Variants in RHOBTB1 observed in about 807,000 individuals in gnomAD.
The protein encoded by RHOBTB1 is rho-related BTB domain-containing protein 1.
A neutral mutation model predicts 71.6 loss-of-function variants in RHOBTB1; 40 were observed. The observed-to-expected ratio is 0.56, with a 90% CI of 0.43 to 0.73. The LOEUF (loss-of-function observed/expected upper bound fraction) is 0.73, where lower values mean the gene tolerates loss of function less well. Ranked by LOEUF, RHOBTB1 falls within the 30% of genes least tolerant of loss-of-function variation. RHOBTB1 has a pLI of 0.00. For synonymous variants in RHOBTB1, 319 were observed against 334.9 expected (o/e 0.95, Z 0.52); for missense variants, 797 against 894.0 (o/e 0.89, Z 1.38).
chr10:60,950,511 T>C lies in RHOBTB1; in HGVS notation c.-61-8657A>G, dbSNP rs1401008541. 2.6e-5 allele frequency among the ~76,000 whole-genome samples: 4 copies of C among 152,050 alleles called. No individual in the cohort carries two copies. In the East Asian group the frequency reaches 7.7e-4, roughly 29 times the overall value. ...AACAAAGATTAAAGGGATCAGAGGGTAACAGAAAGAGAAAGAAAGCGGTAT... is the reference window on the plus strand; with the variant it reads ...AACAAAGATTAAAGGGATCAGAGGGCAACAGAAAGAGAAAGAAAGCGGTAT... On this transcript the variant is annotated intron_variant, in intron 2 of 11. Transcript: ENST00000357917.
chr10:60,884,925 CT>C (rs531216257), intron 7 of RHOBTB1, among the ~76,000 whole-genome samples: 42 of 146,460 alleles, frequency 2.9e-4, no homozygotes, highest in South Asian at 4.3e-4. Context: ...TTTTTTTGTC[CT>C]TTTTTTTTTA....
chr10:60,891,418 G>T (rs955061111), intron 5 of RHOBTB1, among the ~76,000 whole-genome samples: 2 of 136,744 alleles, frequency 1.5e-5, no homozygotes, highest in Non-Finnish European at 3.0e-5. Context: ...ATGGCCCACT[G>T]CAGCCTTGTC....
chr10:60,948,043 C>T (rs1009617515), upstream of RHOBTB1, among the ~76,000 whole-genome samples: 2 of 152,262 alleles, frequency 1.3e-5, no homozygotes, highest in Middle Eastern at 3.4e-3. Context: ...TGTAGTGTTA[C>T]TTTGCATTCC....
At chr10:60,989,840 T>C (rs568374876) in intron 1 of RHOBTB1, among the ~76,000 whole-genome samples, 2 of 152,250 alleles carry the variant, frequency 1.3e-5, no homozygotes, top group East Asian at 1.9e-4. Flanking sequence ...AAGCCAGCAC[T>C]GCTTCGTGAC....
chr10:60,882,825 G>A (rs1033959623), intron 7 of RHOBTB1, among the ~76,000 whole-genome samples: 1 of 152,132 alleles, frequency 6.6e-6, no homozygotes, highest in Non-Finnish European at 1.5e-5. Context: ...TTTTAACTTA[G>A]AGCTTTCCGG....
chr10:60,893,917 G>A (rs2082042005), intron 4 of RHOBTB1, among the ~76,000 whole-genome samples: 1 of 152,264 alleles, frequency 6.6e-6, no homozygotes, highest in East Asian at 1.9e-4. Context: ...GCTGAATGAT[G>A]ACTTTCAAAA....
chr10:60,977,880 A>T (rs867209786), intron 2 of RHOBTB1, among the ~76,000 whole-genome samples: 4 of 152,152 alleles, frequency 2.6e-5, no homozygotes, highest in African/African-American at 9.7e-5. Flanking sequence ...AACTCACACT[A>T]AAATAAATAT....
At chr10:60,865,959 G>A (rs2080634039), downstream of RHOBTB1, among the ~76,000 whole-genome samples, 1 of 152,154 alleles carries the variant, frequency 6.6e-6, no homozygotes, top group Non-Finnish European at 1.5e-5. Flanking sequence ...AGCCTCCTGA[G>A]TAGCTGGGAT....
chr10:60,867,522 C>T (rs183645871), downstream of RHOBTB1, among the ~76,000 whole-genome samples: 15 of 152,344 alleles, frequency 9.8e-5, no homozygotes, highest in East Asian at 1.2e-3. Flanking sequence ...AGTCGCTTCA[C>T]GTCTGCTACT....
chr10:60,905,002 A>G (rs981089027), intron 4 of RHOBTB1, among the ~76,000 whole-genome samples: 13 of 152,196 alleles, frequency 8.5e-5, no homozygotes, highest in African/African-American at 3.1e-4. Context: ...AAGCACATGC[A>G]TTGCTAACTT....
At chr10:60,972,273 A>G (rs1333716546) in intron 2 of RHOBTB1, among the ~76,000 whole-genome samples, 1 of 152,152 alleles carries the variant, frequency 6.6e-6, no homozygotes, top group Non-Finnish European at 1.5e-5. Flanking sequence ...AATAGCAAAG[A>G]CTTGGAACCA....
At chr10:60,927,445 A>G (rs2083950061) in intron 2 of RHOBTB1, among the ~76,000 whole-genome samples, 1 of 152,202 alleles carries the variant, frequency 6.6e-6, no homozygotes, top group Non-Finnish European at 1.5e-5. Flanking sequence ...GAGGCATCAC[A>G]TTATCTGACT....
intron 2 of RHOBTB1, among the ~76,000 whole-genome samples, chr10:60,916,661 G>A (rs888519303): frequency 2.0e-5 from 3 of 152,050 alleles, no homozygotes; most frequent in Non-Finnish European, 2.9e-5. Context: ...CTTTACAGTC[G>A]CCCTCAATTT....
chr10:60,935,597 T>C (rs554951153), intron 2 of RHOBTB1, among the ~76,000 whole-genome samples: 7 of 152,264 alleles, frequency 4.6e-5, no homozygotes, highest in Admixed American at 4.6e-4. Context: ...CCAGATGATC[T>C]ATATGATCTG....
chr10:60,959,441 C>T (rs372623942), intron 2 of RHOBTB1, among the ~76,000 whole-genome samples: 42 of 152,272 alleles, frequency 2.8e-4, no homozygotes, highest in Admixed American at 1.5e-3. Context: ...TTAAAAGCTA[C>T]GTGGACAAGA....
chr10:60,929,139 C>A (rs939073152), intron 2 of RHOBTB1, among the ~76,000 whole-genome samples: 1 of 152,124 alleles, frequency 6.6e-6, no homozygotes, highest in African/African-American at 2.4e-5. Flanking sequence ...CCACCAGGCC[C>A]CTCCTTCAAC....
chr10:60,978,472 A>G (rs747304959), intron 2 of RHOBTB1, among the ~76,000 whole-genome samples: 5 of 152,148 alleles, frequency 3.3e-5, no homozygotes, highest in Non-Finnish European at 7.4e-5. Flanking sequence ...TACATTATAG[A>G]CTGAGATAAA....
chr10:60,872,067 C>CT (rs1417367723), intron 10 of RHOBTB1, 118 bp downstream of exon 10: 2 of 786,394 alleles, frequency 2.5e-6, no homozygotes, highest in Non-Finnish European at 4.5e-6. Flanking sequence ...ACCAGCCAGT[C>CT]TCGAGGAATC....
rs562476558 is a variant in RHOBTB1 at position 60,933,160 on chromosome 10, T to C, written c.-11+8644A>G. The stretch of plus-strand genomic sequence containing the variant: ...AGATCTCTTACTTTATTTGAAGTTA[T>C]TGGCTAATAACAATGAATAGCTTCT... On this transcript the variant is annotated intron_variant, in intron 2 of 10. Coordinates refer to ENST00000337910, the MANE Select transcript of RHOBTB1 (RefSeq NM_014836.5). Among the ~76,000 whole-genome samples the C allele has an allele frequency of 9.2e-5, 14 of 152,348 alleles. No individual in the cohort carries two copies. In the South Asian group the frequency reaches 2.7e-3, roughly 29 times the overall value.
Sources: allele counts gnomAD v4.1 joint callset (sites outside exome capture counted in the v4.1 genomes callset), GRCh38; gene constraint gnomAD v4.1.1; transcripts MANE v1.5; gene names NCBI Gene and HGNC (gene_info 2026-07-23, HGNC 2026-07-21).